The following ARHGAP1 variants were observed in gnomAD, a reference collection of about 807,000 sequenced individuals.
ARHGAP1 encodes rho GTPase-activating protein 1.
Under a neutral mutation model 52.2 loss-of-function variants are expected in ARHGAP1, and 23 were observed. The ratio of observed to expected loss-of-function variants is 0.44; its 90% CI spans 0.32 to 0.62. The LOEUF (loss-of-function observed/expected upper bound fraction) is 0.62. ARHGAP1 is among the 20% of genes least tolerant of loss of function. ARHGAP1 has a pLI of 0.05. For synonymous variants in ARHGAP1, 210 were observed against 228.4 expected (o/e 0.92, Z 0.73); for missense variants, 480 against 560.9 (o/e 0.86, Z 1.46).
chr11:46,691,041 A>AC (rs2064610560), intron 3 of ARHGAP1, among the ~76,000 whole-genome samples: 1 of 152,080 alleles, frequency 6.6e-6, no homozygotes, highest in Admixed American at 6.6e-5. Flanking sequence ...GGCACATGCC[A>AC]TCCCACCTGC....
chr11:46,678,077 C>T lies in ARHGAP1; in HGVS notation c.*960G>A. 2 of 313,212 alleles carry T rather than the reference C, an allele frequency of 6.4e-6. No homozygotes were observed. The highest frequency in any genetic ancestry group is 6.3e-6 in the Non-Finnish European group (1 of 159,368). 19.4% of individuals were successfully genotyped at this position (313,212 alleles called of 1,614,324 possible). A position where few individuals can be genotyped will look rare whatever the true frequency, so the allele number is the denominator to read the frequency against. On this transcript the variant is annotated 3_prime_UTR_variant, in exon 13 of 13. Transcript: ENST00000311956. ...GCACTCTTAGTCTCTACCCCAGCCC[C>T]TTTAAGAGTCCCCCAGCTGGAGGAA... is the stretch of plus-strand genomic sequence containing the variant.
chr11:46,691,698 C>T (rs1000133654), intron 3 of ARHGAP1, among the ~76,000 whole-genome samples: 5 of 151,890 alleles, frequency 3.3e-5, no homozygotes, highest in African/African-American at 1.2e-4. Context: ...GTGATCTGCT[C>T]GCCTCAGCCT....
intron 3 of ARHGAP1, among the ~76,000 whole-genome samples, chr11:46,691,944 G>A (rs1442225419): frequency 6.6e-6 from 1 of 152,206 alleles, no homozygotes; most frequent in Non-Finnish European, 1.5e-5. Flanking sequence ...CAGATAGTGA[G>A]TTTCCCAAAG....
intron 4 of ARHGAP1, chr11:46,687,691 C>T (rs752707537): frequency 3.2e-5 from 5 of 154,636 alleles, no homozygotes; most frequent in Non-Finnish European, 5.7e-5. Flanking sequence ...TCTGGACCGG[C>T]CAGAGCTATT....
At chr11:46,700,038 C>A (rs1394877457) in intron 1 of ARHGAP1, among the ~76,000 whole-genome samples, 1 of 151,948 alleles carries the variant, frequency 6.6e-6, no homozygotes, top group Non-Finnish European at 1.5e-5. Flanking sequence ...GGCGTGGTGG[C>A]GGACGCCTGT....
intron 3 of ARHGAP1, among the ~76,000 whole-genome samples, chr11:46,694,428 C>A (rs780828615): frequency 2.0e-5 from 3 of 152,092 alleles, no homozygotes; most frequent in Non-Finnish European, 4.4e-5. Flanking sequence ...CCAGGACGGA[C>A]ACCTACCTGG....
chr11:46,678,704 C>A lies in ARHGAP1; in HGVS notation c.*333G>T. 3.4e-6 allele frequency: 1 copy of A among 297,456 alleles called. No individual in the cohort carries two copies. Among genetic ancestry groups the A allele is most frequent in the South Asian group, 4.2e-5 (1 of 23,556 alleles). The allele number at this position is 297,456 out of a possible 1,614,324, so 18.4% of individuals were successfully genotyped here. On this transcript the variant is annotated 3_prime_UTR_variant, in exon 13 of 13. Coordinates refer to ENST00000311956, the MANE Select transcript of ARHGAP1 (RefSeq NM_004308.5). ...CCAGCCGGCAGTCATTTGATTCATCCACACTTGCTAGGGAAACAGAGGCAG... is the reference window on the plus strand; with the variant it reads ...CCAGCCGGCAGTCATTTGATTCATCAACACTTGCTAGGGAAACAGAGGCAG...
chr11:46,689,305 A>C (rs1181706608), intron 3 of ARHGAP1, among the ~76,000 whole-genome samples: 1 of 152,148 alleles, frequency 6.6e-6, no homozygotes, highest in African/African-American at 2.4e-5. Flanking sequence ...AGATGTCTAG[A>C]TAGGTACATG....
intron 4 of ARHGAP1, among the ~76,000 whole-genome samples, chr11:46,682,964 A>G (rs1649771075): frequency 6.6e-6 from 1 of 151,112 alleles, no homozygotes; most frequent in Non-Finnish European, 1.5e-5. Context: ...ATGACCAGAG[A>G]GGTCAAGTGC....
intron 3 of ARHGAP1, among the ~76,000 whole-genome samples, chr11:46,694,256 A>C (rs1336199758): frequency 2.0e-5 from 3 of 148,106 alleles, no homozygotes; most frequent in Admixed American, 6.7e-5. Flanking sequence ...CCCCCATCCT[A>C]CCTCCCATAA....
At chr11:46,690,883 GATT>G (rs1020966271) in intron 3 of ARHGAP1, among the ~76,000 whole-genome samples, 2 of 151,698 alleles carry the variant, frequency 1.3e-5, no homozygotes, top group African/African-American at 4.8e-5. Context: ...GGCAAGCTGT[GATT>G]TTTTTTTTTT....
chr11:46,690,527 C>T (rs2064604247), intron 3 of ARHGAP1, among the ~76,000 whole-genome samples: 1 of 152,166 alleles, frequency 6.6e-6, no homozygotes, highest in Non-Finnish European at 1.5e-5. Context: ...CCACTGCACC[C>T]AGCTTATTAC....
chr11:46,692,934 G>A lies in ARHGAP1; in HGVS notation c.229+2726C>T, dbSNP rs188218642. On this transcript the variant is annotated intron_variant, in intron 3 of 12. Transcript: ENST00000311956. ...GTGGCACGATCTCCGCTCACTGCAAGCTCCGCCTCCCGGGTTCACGCTATT... is the reference window on the plus strand; with the variant it reads ...GTGGCACGATCTCCGCTCACTGCAAACTCCGCCTCCCGGGTTCACGCTATT... Among the ~76,000 whole-genome samples the A allele has an allele frequency of 3.0e-3, 456 of 151,292 alleles. 3 individuals are homozygous for A. The highest frequency in any genetic ancestry group is 0.01 in the African/African-American group (422 of 41,180).
chr11:46,689,528 A>G (rs1025393143), intron 3 of ARHGAP1, among the ~76,000 whole-genome samples: 1 of 152,114 alleles, frequency 6.6e-6, no homozygotes, highest in Non-Finnish European at 1.5e-5. Context: ...TGTGATTCTT[A>G]TCTCAAATTA....
intron 4 of ARHGAP1, among the ~76,000 whole-genome samples, chr11:46,686,478 G>T (rs1392809110): frequency 6.6e-6 from 1 of 151,678 alleles, no homozygotes; most frequent in Non-Finnish European, 1.5e-5. Flanking sequence ...GAGTGCAGTG[G>T]TTCAATCTTG....
chr11:46,681,951 C>T lies in ARHGAP1; in HGVS notation c.449+100G>A. 1 of 1,548,098 alleles carries T rather than the reference C, an allele frequency of 6.5e-7. No homozygotes were observed. The highest frequency in any genetic ancestry group is 1.2e-5 in the South Asian group (1 of 84,448). On this transcript the variant is annotated intron_variant, in intron 5 of 12. Transcript: ENST00000311956. This position sits in a 1 kb window ranked among gnomAD's most constrained non-coding sequence, Gnocchi z 5.7. ...CGTAGACGGCAGCCCCCGCCACCCCCTGCCTTGGAATAAGCTCCTGCCCAA... is the reference window on the plus strand; with the variant it reads ...CGTAGACGGCAGCCCCCGCCACCCCTTGCCTTGGAATAAGCTCCTGCCCAA...
chr11:46,679,498 G>A lies in ARHGAP1; in HGVS notation c.1028-30C>T. ...GAGGAAAGGAGGCCCGGGTTATAGG[G>A]GCCCTAGGCTGGGCTGGTTCAGGAC... On this transcript the variant is annotated intron_variant, in intron 11 of 12. Transcript: ENST00000311956. The surrounding 1 kb of genome is among the most constrained non-coding windows in gnomAD (Gnocchi z 4.4). The A allele has an allele frequency of 6.2e-7, 1 of 1,611,784 alleles. No homozygotes were observed. Among genetic ancestry groups the A allele is most frequent in the Non-Finnish European group, 8.5e-7 (1 of 1,178,198 alleles).
Position 46,677,217 on chromosome 11 carries a change from G to C in ARHGAP1, c.*1820C>G, listed in dbSNP as rs1423817170. ...CACCCGCTCCCTGGGGTACAGACCAGTGGGGGACATGAGAAAGACCAAATA... is the reference window on the plus strand; with the variant it reads ...CACCCGCTCCCTGGGGTACAGACCACTGGGGGACATGAGAAAGACCAAATA... On this transcript the variant is annotated 3_prime_UTR_variant, in exon 13 of 13. Transcript: ENST00000311956. 1.3e-5 allele frequency: 2 copies of C among 152,666 alleles called. No homozygotes were observed. Among genetic ancestry groups the C allele is most frequent in the African/African-American group, 4.8e-5 (2 of 41,468 alleles). The allele number at this position is 152,666 out of a possible 1,614,324, so 9.5% of individuals were successfully genotyped here.
intron 4 of ARHGAP1, among the ~76,000 whole-genome samples, chr11:46,682,563 A>T (rs1291618964): frequency 6.6e-6 from 1 of 152,214 alleles, no homozygotes; most frequent in Non-Finnish European, 1.5e-5. Context: ...GCAGGCCTGT[A>T]ATCCCAGCTA....
Sources: allele counts gnomAD v4.1 joint callset (sites outside exome capture counted in the v4.1 genomes callset), GRCh38; gene constraint gnomAD v4.1.1; non-coding constraint Gnocchi (gnomAD v3.1); transcripts MANE v1.5; gene names NCBI Gene and HGNC (gene_info 2026-07-23, HGNC 2026-07-21).